Variants in DLG2 observed in about 807,000 individuals in gnomAD.
The protein encoded by DLG2 is discs large MAGUK scaffold protein 2, also known as disks large homolog 2.
In DLG2, 45 loss-of-function variants were observed where a neutral mutation model predicts 132.5. The observed-to-expected ratio is 0.34, with a 90% CI of 0.27 to 0.44. The LOEUF (loss-of-function observed/expected upper bound fraction) is 0.44. DLG2 is among the 20% of genes least tolerant of loss of function. The pLI is 1.00. For missense variants in DLG2, 1,045 were observed against 1,196.9 expected, an observed-to-expected ratio of 0.87 and a Z score of 1.87; for synonymous variants, 424 against 419.6, an observed-to-expected ratio of 1.01 and a Z score of -0.13.
intron 6 of DLG2, among the ~76,000 whole-genome samples, chr11:84,862,370 T>A (rs1221089055): frequency 1.3e-5 from 2 of 150,856 alleles, no homozygotes; most frequent in African/African-American, 5.0e-5. Flanking sequence ...ACACTGTTGG[T>A]GGGAGTGTAA....
intron 2 of DLG2, among the ~76,000 whole-genome samples, chr11:85,623,869 A>C (rs1014166423): frequency 1.3e-5 from 2 of 152,232 alleles, no homozygotes; most frequent in Admixed American, 1.3e-4. Flanking sequence ...CAATTCAAGA[A>C]GACTTGTTAA....
At chr11:85,410,890 G>A (rs1020569089) in intron 3 of DLG2, among the ~76,000 whole-genome samples, 5 of 151,722 alleles carry the variant, frequency 3.3e-5, no homozygotes, top group Non-Finnish European at 7.4e-5. Context: ...GGAGTAGGTC[G>A]ATGCTCATTA....
chr11:83,831,538 G>C (rs930721132), intron 17 of DLG2, among the ~76,000 whole-genome samples: 3 of 152,050 alleles, frequency 2.0e-5, no homozygotes, highest in Non-Finnish European at 4.4e-5. Context: ...ATGTCAGAGA[G>C]AGAGAGAGAG....
intron 5 of DLG2, among the ~76,000 whole-genome samples, chr11:85,124,532 A>T (rs2074828825): frequency 6.6e-6 from 1 of 152,212 alleles, no homozygotes; most frequent in Non-Finnish European, 1.5e-5. Flanking sequence ...TGAGAAAAAT[A>T]AGGGTCAGAG....
At chr11:84,657,232 T>A (rs2154547488) in intron 6 of DLG2, among the ~76,000 whole-genome samples, 1 of 152,236 alleles carries the variant, frequency 6.6e-6, no homozygotes, top group Non-Finnish European at 1.5e-5. Flanking sequence ...GCCAAAAAGT[T>A]CACAACAGTG....
intron 3 of DLG2, among the ~76,000 whole-genome samples, chr11:85,292,893 T>C (rs1299729592): frequency 6.6e-6 from 1 of 151,724 alleles, no homozygotes; most frequent in Non-Finnish European, 1.5e-5. Flanking sequence ...ACAAGGAAAT[T>C]ATGAGTCTAG....
intron 6 of DLG2, among the ~76,000 whole-genome samples, chr11:84,654,664 T>G (rs180849804): frequency 7.2e-5 from 11 of 152,330 alleles, no homozygotes; most frequent in Admixed American, 6.5e-4. Context: ...TCTAGCTGGC[T>G]GGTATGTTCA....
At chr11:83,815,914 C>T (rs1239496012) in intron 17 of DLG2, among the ~76,000 whole-genome samples, 1 of 152,132 alleles carries the variant, frequency 6.6e-6, no homozygotes, top group Non-Finnish European at 1.5e-5. Context: ...AAGAGGCCAA[C>T]CCAGATCTCT....
chr11:85,167,499 A>G (rs2078538900), intron 4 of DLG2, among the ~76,000 whole-genome samples: 1 of 152,154 alleles, frequency 6.6e-6, no homozygotes, highest in Non-Finnish European at 1.5e-5. Flanking sequence ...GAAGCAAGTG[A>G]TAAAACCTTC....
chr11:84,552,462 G>A (rs764071961), intron 6 of DLG2, among the ~76,000 whole-genome samples: 10 of 152,016 alleles, frequency 6.6e-5, no homozygotes, highest in East Asian at 1.9e-4. Context: ...TGTCTTTAAC[G>A]TCAAAGTTCA....
Position 85,480,873 on chromosome 11 carries a change from C to CA in DLG2, c.40+117783dup, listed in dbSNP as rs933083526. ...GTGTTTAAACTATCCTGCACACATG[C>CA]AAAAAAAATACCACATGCACATTTA... On this transcript the variant is annotated intron_variant, in intron 3 of 27. Transcript: ENST00000376104. 2.7e-4 allele frequency among the ~76,000 whole-genome samples: 41 copies of CA among 151,802 alleles called. No homozygotes were observed. The East Asian group carries it at 7.3e-3, about 27-fold the overall frequency.
intron 6 of DLG2, among the ~76,000 whole-genome samples, chr11:84,972,964 CT>C (rs538235900): frequency 1.3e-4 from 16 of 123,946 alleles, no homozygotes; most frequent in East Asian, 4.9e-4. Flanking sequence ...TTTTTTTTTT[CT>C]TTTTTTTTTG....
intron 3 of DLG2, among the ~76,000 whole-genome samples, chr11:85,294,054 C>A (rs1321949867): frequency 6.6e-6 from 1 of 151,490 alleles, no homozygotes; most frequent in Non-Finnish European, 1.5e-5. Context: ...CCAGCCTGGT[C>A]AACATGATGA....
At chr11:84,410,170 C>T (rs2098892075) in intron 7 of DLG2, among the ~76,000 whole-genome samples, 1 of 152,130 alleles carries the variant, frequency 6.6e-6, no homozygotes, top group South Asian at 2.1e-4. Context: ...GTATTGTTAT[C>T]TCTACATTAC....
chr11:84,176,887 T>C (rs913147447), intron 8 of DLG2, among the ~76,000 whole-genome samples: 2 of 152,178 alleles, frequency 1.3e-5, no homozygotes, highest in Admixed American at 1.3e-4. Context: ...TTCTTTTCTT[T>C]TCTTTCCTTT....
intron 6 of DLG2, among the ~76,000 whole-genome samples, chr11:84,842,522 A>C (rs1161781601): frequency 6.6e-6 from 1 of 151,988 alleles, no homozygotes; most frequent in Non-Finnish European, 1.5e-5. Context: ...GGGTAGAAAA[A>C]ATCAATAGTT....
At chr11:84,196,448 T>G (rs1419035202) in intron 8 of DLG2, among the ~76,000 whole-genome samples, 1 of 152,086 alleles carries the variant, frequency 6.6e-6, no homozygotes, top group African/African-American at 2.4e-5. Context: ...GAAAGACAAT[T>G]AAAAAGCCAG....
At chr11:84,971,088 G>T (rs1305910314) in intron 6 of DLG2, among the ~76,000 whole-genome samples, 2 of 152,136 alleles carry the variant, frequency 1.3e-5, no homozygotes, top group Non-Finnish European at 2.9e-5. Context: ...AACTGATGAT[G>T]AATTGAAAGC....
intron 10 of DLG2, among the ~76,000 whole-genome samples, chr11:84,079,789 A>T (rs561059916): frequency 6.6e-6 from 1 of 151,958 alleles, no homozygotes; most frequent in African/African-American, 2.4e-5. Flanking sequence ...TCTCATGGCC[A>T]CCTCTCCACC....
Sources: allele counts gnomAD v4.1 joint callset (sites outside exome capture counted in the v4.1 genomes callset), GRCh38; gene constraint gnomAD v4.1.1; transcripts MANE v1.5; gene names NCBI Gene and HGNC (gene_info 2026-07-23, HGNC 2026-07-21).